Variants in SPHKAP observed in about 807,000 individuals in gnomAD.
The protein encoded by SPHKAP is A-kinase anchor protein SPHKAP.
A neutral mutation model predicts 137.5 loss-of-function variants in SPHKAP; 67 were observed. The ratio of observed to expected loss-of-function variants is 0.49; its 90% confidence interval spans 0.40 to 0.60. The LOEUF (loss-of-function observed/expected upper bound fraction) is 0.60. Ranked by LOEUF, SPHKAP falls within the 20% of genes least tolerant of loss-of-function variation. SPHKAP has a pLI of 0.00. For missense variants in SPHKAP, 2,097 were observed against 2,069.3 expected (o/e 1.01, Z -0.26); for synonymous variants, 813 against 785.3 (o/e 1.04, Z -0.59).
chr2:228,079,420 C>T (rs1697287101), intron 3 of SPHKAP, among the ~76,000 whole-genome samples: 1 of 152,166 alleles, frequency 6.6e-6, no homozygotes, highest in Non-Finnish European at 1.5e-5. Flanking sequence ...CGCCTATGGC[C>T]CCAGGCTTCA....
At chr2:228,179,203 A>G (rs1247697795) in intron 1 of SPHKAP, among the ~76,000 whole-genome samples, 2 of 152,186 alleles carry the variant, frequency 1.3e-5, no homozygotes, top group Non-Finnish European at 2.9e-5. Context: ...ATAACCACCA[A>G]CTTAATTTTA....
intron 5 of SPHKAP, chr2:228,022,248 G>GT: frequency 1.1e-6 from 1 of 937,538 alleles, no homozygotes; most frequent in Non-Finnish European, 1.3e-6. Context: ...ACTGGGTAAA[G>GT]TTAAACAGGC....
intron 2 of SPHKAP, among the ~76,000 whole-genome samples, chr2:228,109,713 C>T (rs571844317): frequency 6.6e-6 from 1 of 152,152 alleles, no homozygotes; most frequent in African/African-American, 2.4e-5. Context: ...CACCTGTAAT[C>T]CCAGCACTTT....
At chr2:228,154,504 C>A (rs1215248403) in intron 1 of SPHKAP, among the ~76,000 whole-genome samples, 83 of 28,056 alleles carry the variant, frequency 3.0e-3, no homozygotes, top group East Asian at 0.01. Context: ...CTCTCTCTCT[C>A]TCTCTCTCTA....
intron 2 of SPHKAP, 24 bp downstream of exon 2, chr2:228,131,956 G>A (rs4585022): frequency 0.34 from 551,966 of 1,606,110 alleles, 97,812 homozygotes; most frequent in East Asian, 0.5. Context: ...CTGACAAGAA[G>A]AAAGTGGCGT....
intron 1 of SPHKAP, among the ~76,000 whole-genome samples, chr2:228,155,772 C>T (rs1700090365): frequency 1.3e-5 from 2 of 152,102 alleles, no homozygotes; most frequent in South Asian, 4.2e-4. Context: ...TCTCTTATTC[C>T]TAAAATGTCC....
chr2:227,996,261 C>G (rs759958835), intron 7 of SPHKAP: 4 of 289,500 alleles, frequency 1.4e-5, no homozygotes, highest in Non-Finnish European at 2.1e-5. Context: ...TGTATTTTAC[C>G]CTATCTCCTC....
chr2:228,037,827 GC>G (rs1186270618), intron 3 of SPHKAP, among the ~76,000 whole-genome samples: 1 of 152,190 alleles, frequency 6.6e-6, no homozygotes, highest in African/African-American at 2.4e-5. Flanking sequence ...CACATTAACA[GC>G]CCTGAAACCT....
chr2:228,010,696 G>T (rs1313183654), intron 7 of SPHKAP, among the ~76,000 whole-genome samples: 2 of 151,738 alleles, frequency 1.3e-5, no homozygotes, highest in African/African-American at 2.4e-5. Context: ...TCTATCTAGT[G>T]GTTTTTAATT....
intron 5 of SPHKAP, 54 bp from the exon 6 acceptor site, chr2:228,022,020 T>C (rs1174493176): frequency 4.0e-6 from 6 of 1,514,718 alleles, no homozygotes; most frequent in Admixed American, 2.2e-5. Flanking sequence ...TAAAAGACTA[T>C]TGCCTCTGAG....
chr2:228,160,070 C>A (rs1329423801), intron 1 of SPHKAP, among the ~76,000 whole-genome samples: 2 of 152,130 alleles, frequency 1.3e-5, no homozygotes, highest in Admixed American at 1.3e-4. Flanking sequence ...AGACAGAAAT[C>A]AGCCAAAATA....
chr2:228,133,740 G>T (rs2106377732), intron 1 of SPHKAP, among the ~76,000 whole-genome samples: 1 of 152,214 alleles, frequency 6.6e-6, no homozygotes, highest in South Asian at 2.1e-4. Context: ...CATGTTTCAA[G>T]CACTAAATTC....
chr2:228,076,987 T>G (rs1323996748), intron 3 of SPHKAP, among the ~76,000 whole-genome samples: 4 of 152,168 alleles, frequency 2.6e-5, no homozygotes, highest in Admixed American at 2.6e-4. Flanking sequence ...CTTGGTGCCC[T>G]GCATCCCAGC....
At chr2:228,069,473 G>T (rs189628110) in intron 3 of SPHKAP, among the ~76,000 whole-genome samples, 2 of 147,472 alleles carry the variant, frequency 1.4e-5, no homozygotes, top group Non-Finnish European at 3.0e-5. Context: ...TTAGAGATGG[G>T]GGGGTCTCAC....
chr2:228,180,029 A>G (rs1700852404), intron 1 of SPHKAP, among the ~76,000 whole-genome samples: 1 of 152,178 alleles, frequency 6.6e-6, no homozygotes, highest in African/African-American at 2.4e-5. Flanking sequence ...TCCAATTTAC[A>G]TGACTTTCCA....
chr2:228,128,294 C>A (rs1294435048), intron 2 of SPHKAP, among the ~76,000 whole-genome samples: 1 of 152,196 alleles, frequency 6.6e-6, no homozygotes, highest in African/African-American at 2.4e-5. Flanking sequence ...ACGTTCACAG[C>A]ATCTTCACTA....
intron 7 of SPHKAP, among the ~76,000 whole-genome samples, chr2:228,002,218 C>A (rs1237884053): frequency 6.6e-6 from 1 of 152,158 alleles, no homozygotes; most frequent in South Asian, 2.1e-4. Context: ...TCTCCACATC[C>A]TCTCCAGCAC....
intron 3 of SPHKAP, among the ~76,000 whole-genome samples, chr2:228,101,550 T>G (rs1256375970): frequency 6.6e-6 from 1 of 152,262 alleles, no homozygotes; most frequent in Non-Finnish European, 1.5e-5. Context: ...AATACTTATC[T>G]GATGCTCACT....
chr2:228,116,232 A>AGCTGTCTTTT (rs1698707459), intron 2 of SPHKAP, among the ~76,000 whole-genome samples: 2 of 152,136 alleles, frequency 1.3e-5, no homozygotes, highest in African/African-American at 4.8e-5. Flanking sequence ...TCGTATTGTA[A>AGCTGTCTTTT]TTCTCTCATC....
Sources: allele counts gnomAD v4.1 joint callset (sites outside exome capture counted in the v4.1 genomes callset), GRCh38; gene constraint gnomAD v4.1.1; transcripts MANE v1.5; gene names NCBI Gene and HGNC (gene_info 2026-07-23, HGNC 2026-07-21).